Variants in DNAH6 observed in about 807,000 individuals in gnomAD.
The protein encoded by DNAH6 is axonemal beta dynein heavy chain 6.
DNAH6 carries 340 observed loss-of-function variants against 491.4 expected under a neutral mutation model. The observed-to-expected ratio is 0.69, with a 90% confidence interval of 0.63 to 0.76. The LOEUF is 0.76. Among genes scored for constraint, DNAH6 ranks in the 30% least tolerant of loss-of-function variants. DNAH6 has a pLI of 0.00. For synonymous variants in DNAH6, 1,603 were observed against 1,686.1 expected (o/e 0.95, Z 1.21); for missense variants, 4,443 against 4,972.2 (o/e 0.89, Z 3.20).
At chr2:84,696,087 C>T (rs915887952) in intron 46 of DNAH6, among the ~76,000 whole-genome samples, 4 of 151,784 alleles carry the variant, frequency 2.6e-5, no homozygotes, top group African/African-American at 9.7e-5. Flanking sequence ...TTGGCTGTAA[C>T]TTAACAAATA....
chr2:84,678,264 G>A (rs1056987566), intron 41 of DNAH6, among the ~76,000 whole-genome samples: 1 of 152,172 alleles, frequency 6.6e-6, no homozygotes, highest in African/African-American at 2.4e-5. Context: ...AATAGGAAAA[G>A]ATGGGAGCTT....
intron 11 of DNAH6, among the ~76,000 whole-genome samples, chr2:84,559,916 T>G (rs10166830): frequency 0.92 from 140,571 of 152,180 alleles, 65,113 homozygotes; most frequent in East Asian, 1. Flanking sequence ...AGTTTAACAC[T>G]ACTATAGAAG....
At chr2:84,685,296 C>CTT in intron 42 of DNAH6, 30 bp from the exon 43 acceptor site, 95 of 1,074,420 alleles carry the variant, frequency 8.8e-5, no homozygotes, top group Admixed American at 4.0e-4. Context: ...TAGAATTTTT[C>CTT]TTTTTTTTTT....
At chr2:84,545,597 C>T (rs1678697859) in intron 5 of DNAH6, among the ~76,000 whole-genome samples, 1 of 152,132 alleles carries the variant, frequency 6.6e-6, no homozygotes, top group African/African-American at 2.4e-5. Flanking sequence ...ATCATTCATA[C>T]CAGTGGTGTT....
chr2:84,568,252 T>G (rs1445263320), intron 11 of DNAH6, among the ~76,000 whole-genome samples: 2 of 152,156 alleles, frequency 1.3e-5, no homozygotes, highest in African/African-American at 2.4e-5. Flanking sequence ...TTCATTCTAT[T>G]ATAAAGATAT....
At chr2:84,676,307 C>A (rs1429893033) in intron 40 of DNAH6, among the ~76,000 whole-genome samples, 3 of 152,198 alleles carry the variant, frequency 2.0e-5, no homozygotes, top group Non-Finnish European at 2.9e-5. Flanking sequence ...ACCACACTTT[C>A]ACATTTTTGT....
chr2:84,670,618 T>A (rs2104665944), intron 39 of DNAH6, 143 bp downstream of exon 39: 1 of 651,894 alleles, frequency 1.5e-6, no homozygotes, highest in African/African-American at 1.9e-5. Flanking sequence ...ATGGCATTTT[T>A]ATGCTAGCTA....
chr2:84,772,754 G>T (rs192763337), intron 64 of DNAH6, among the ~76,000 whole-genome samples: 273 of 151,942 alleles, frequency 1.8e-3, no homozygotes, highest in Non-Finnish European at 2.2e-3. Flanking sequence ...AAATAAATAA[G>T]GTAATAGAAG....
At chr2:84,625,130 C>A in intron 29 of DNAH6, 67 bp downstream of exon 29, 5 of 1,349,070 alleles carry the variant, frequency 3.7e-6, no homozygotes, top group South Asian at 1.9e-5. Flanking sequence ...TGCAACATGA[C>A]ATAACAAAAT....
chr2:84,502,989 A>C, the DNAH6 span, among the ~76,000 whole-genome samples: 1 of 152,094 alleles, frequency 6.6e-6, no homozygotes, highest in South Asian at 2.1e-4. Flanking sequence ...GTTTATTTAC[A>C]TTCAATGTTA....
rs1451394800 is a variant in DNAH6, at chr2:84,624,271, A to T, written c.4078A>T (p.Asn1360Tyr). The stretch of plus-strand genomic sequence containing the variant: ...CAATTTTTTTTATTTGTAGAGATTA[A>T]ATGCCCTAGCTGCAATAGTTCAAGG... ...NFEKVNFERL[N>Y]ALAAIVQGSL... Residue 1360 changes from asparagine to tyrosine, a missense_variant, in exon 27 of 77, where the codon AAT becomes TAT. By Grantham distance (143) the Asn-to-Tyr change is moderately radical. This residue lies in a region of DNAH6 where 2,977 missense variants were observed against 3,296.6 expected (regional missense o/e 0.90). Transcript: ENST00000389394. The T allele has an allele frequency of 1.9e-6, 3 of 1,543,978 alleles. No homozygotes were observed. In the African/African-American group the frequency reaches 4.1e-5, roughly 21 times the overall value.
Position 84,705,623 on chromosome 2 carries a change from C to A in DNAH6, c.8603C>A (p.Pro2868His), listed in dbSNP as rs1180367744. ...QKYINNPDFVPEKVEKVSKAC... is the reference protein window; with the variant it reads ...QKYINNPDFVHEKVEKVSKAC... The stretch of plus-strand genomic sequence containing the variant: ...TATATTAATAATCCTGATTTTGTGC[C>A]TGAAAAAGTGGAGAAAGTGTCCAAA... Residue 2868 changes from proline to histidine, a missense_variant, in exon 52 of 77, where the codon CCT becomes CAT. By Grantham distance (77) the Pro-to-His change is moderately conservative (BLOSUM62 -2). Around this residue, in one of 3 missense-constraint regions of DNAH6, gnomAD observed 1,463 missense variants for 1,656.6 expected, o/e 0.88. Coordinates refer to ENST00000389394, the MANE Select transcript of DNAH6 (RefSeq NM_001370.2). 1 of 1,551,378 alleles carries A rather than the reference C, an allele frequency of 6.4e-7. No individual in the cohort carries two copies. The highest frequency in any genetic ancestry group is 8.7e-7 in the Non-Finnish European group (1 of 1,146,936).
intron 45 of DNAH6, among the ~76,000 whole-genome samples, chr2:84,690,939 G>A (rs538435686): frequency 6.6e-6 from 1 of 152,182 alleles, no homozygotes; most frequent in African/African-American, 2.4e-5. Flanking sequence ...CTTTTAACTC[G>A]GGGGGAAAAA....
the DNAH6 span, among the ~76,000 whole-genome samples, chr2:84,487,055 T>C: frequency 6.6e-6 from 1 of 152,202 alleles, no homozygotes; most frequent in African/African-American, 2.4e-5. Context: ...TCTGACAACA[T>C]AAAATTTAGC....
intron 58 of DNAH6, 32 bp from the exon 59 acceptor site, chr2:84,718,172 A>G: frequency 6.8e-7 from 1 of 1,474,746 alleles, no homozygotes; most frequent in Non-Finnish European, 9.0e-7. Context: ...ACTGGCAGAG[A>G]CATAATTTAG....
At chr2:84,529,232 AATTG>A in intron 4 of DNAH6, 66 bp downstream of exon 4, 3 of 1,170,712 alleles carry the variant, frequency 2.6e-6, no homozygotes, top group Non-Finnish European at 3.5e-6. Flanking sequence ...TATTATTTAT[AATTG>A]ATTGGATATT....
chr2:84,617,500 T>C (rs371495247), intron 23 of DNAH6, among the ~76,000 whole-genome samples: 153 of 152,218 alleles, frequency 1.0e-3, no homozygotes, highest in African/African-American at 3.6e-3. Flanking sequence ...TCATTCTTCC[T>C]ATTTTTTGTA....
At chr2:84,634,740 G>A in intron 30 of DNAH6, 99 bp downstream of exon 30, 3 of 1,377,694 alleles carry the variant, frequency 2.2e-6, no homozygotes, top group Admixed American at 3.2e-5. Flanking sequence ...AAAAATGTTA[G>A]GGAGGAATCC....
rs1002031116 is a variant in DNAH6 at position 84,571,196 on chromosome 2, A to G, written c.1804-2271A>G. ...TCTTTGGTAGAATGCAAGCAAATAA[A>G]TGTAGAAAGAAAACACAATTAGAAA... On this transcript the variant is annotated intron_variant, in intron 11 of 76. Coordinates refer to ENST00000389394, the MANE Select transcript of DNAH6 (RefSeq NM_001370.2). Among the ~76,000 whole-genome samples, 43 of 152,242 alleles carry G rather than the reference A, an allele frequency of 2.8e-4. 2 individuals are homozygous for G. The highest frequency in any genetic ancestry group is 9.6e-4 in the African/African-American group (40 of 41,462).
Sources: gnomAD v4.1 joint callset for allele counts (sites outside exome capture counted in the v4.1 genomes callset) on GRCh38, gnomAD v4.1.1 for gene constraint, gnomAD v4.1.1 regional missense constraint, MANE v1.5 for transcripts, NCBI Gene and HGNC (gene_info 2026-07-23, HGNC 2026-07-21) for gene names.